The following CUX1 variants were observed in gnomAD, a reference collection of about 807,000 sequenced individuals.
CUX1 encodes the protein cut like homeobox 1, also known as protein CASP.
In CUX1, 31 loss-of-function variants were observed where a neutral mutation model predicts 158.8. That is an observed-to-expected ratio of 0.20 (90% CI 0.15 to 0.26). The LOEUF is 0.26. Ranked by LOEUF, CUX1 falls within the 10% of genes least tolerant of loss-of-function variation. CUX1 has a pLI of 1.00. For missense variants in CUX1, 1,589 were observed against 2,014.6 expected (o/e 0.79, Z 4.04); for synonymous variants, 879 against 862.1 (o/e 1.02, Z -0.34).
intron 13 of CUX1, 59 bp from the exon 14 acceptor site, chr7:102,195,448 G>A: frequency 7.1e-7 from 1 of 1,407,554 alleles, no homozygotes; most frequent in Non-Finnish European, 9.8e-7. Context: ...AGGCCTGGTG[G>A]CCCCGGGAGC....
At chr7:102,045,966 G>T (rs908969357) in intron 3 of CUX1, among the ~76,000 whole-genome samples, 3 of 152,188 alleles carry the variant, frequency 2.0e-5, no homozygotes, top group African/African-American at 7.2e-5. Flanking sequence ...TGGGGTTTCT[G>T]AATCTCCCAG....
At chr7:102,118,197 T>C (rs1349816648) in intron 8 of CUX1, among the ~76,000 whole-genome samples, 2 of 152,254 alleles carry the variant, frequency 1.3e-5, no homozygotes, top group Non-Finnish European at 1.5e-5. Context: ...TTTTCACATA[T>C]GGTCTTACAG....
intron 3 of CUX1, among the ~76,000 whole-genome samples, chr7:102,045,403 C>T (rs771243189): frequency 1.7e-4 from 26 of 152,246 alleles, no homozygotes; most frequent in Admixed American, 8.5e-4. Context: ...GCCGCCCGCC[C>T]GGCGCTGCCG....
intron 4 of CUX1, among the ~76,000 whole-genome samples, chr7:102,089,155 A>C (rs956985688): frequency 6.6e-6 from 1 of 152,156 alleles, no homozygotes; most frequent in East Asian, 1.9e-4. Context: ...TCCATTTCAC[A>C]TACTTTAAGC....
chr7:102,130,121 A>G (rs1833055898), intron 8 of CUX1, among the ~76,000 whole-genome samples: 1 of 152,168 alleles, frequency 6.6e-6, no homozygotes, highest in Admixed American at 6.6e-5. Flanking sequence ...TGCCAGAAAG[A>G]CAGTGGGGTG....
chr7:101,929,272 T>C (rs1173485444), intron 2 of CUX1, among the ~76,000 whole-genome samples: 4 of 152,210 alleles, frequency 2.6e-5, no homozygotes, highest in Non-Finnish European at 5.9e-5. Context: ...CTTGAACAGA[T>C]ACAGTAAAAT....
chr7:101,914,447 C>T (rs938057582), intron 1 of CUX1, among the ~76,000 whole-genome samples: 13 of 143,614 alleles, frequency 9.1e-5, no homozygotes, highest in East Asian at 8.5e-4. Flanking sequence ...TCCCTCCCTC[C>T]GTCCTTCCCT....
At chr7:102,101,898 C>T (rs1021056598) in intron 5 of CUX1, among the ~76,000 whole-genome samples, 14 of 140,570 alleles carry the variant, frequency 1.0e-4, no homozygotes, top group Admixed American at 1.5e-4. Context: ...GGTGACAGAG[C>T]GAGTATCTGT....
intron 1 of CUX1, among the ~76,000 whole-genome samples, chr7:101,860,179 TG>T (rs1332587221): frequency 6.6e-6 from 1 of 152,160 alleles, no homozygotes; most frequent in Non-Finnish European, 1.5e-5. Flanking sequence ...TGTCGCTGTT[TG>T]GTATTTTGAA....
chr7:102,131,694 A>G (rs1160437775), intron 8 of CUX1, among the ~76,000 whole-genome samples: 2 of 148,938 alleles, frequency 1.3e-5, no homozygotes, highest in East Asian at 3.9e-4. Context: ...TTTTTTTGAG[A>G]CAGGGTCTTG....
chr7:101,891,673 AC>A (rs1345018062), intron 1 of CUX1, among the ~76,000 whole-genome samples: 1 of 152,172 alleles, frequency 6.6e-6, no homozygotes. Flanking sequence ...ATAATCAGAA[AC>A]CATCCAGAAT....
chr7:102,022,740 T>C (rs565024157), intron 2 of CUX1, among the ~76,000 whole-genome samples: 1 of 152,386 alleles, frequency 6.6e-6, no homozygotes, highest in African/African-American at 2.4e-5. Context: ...CTATTTTGGC[T>C]TTTGCCAAAA....
intron 22 of CUX1, chr7:102,282,978 AAC>A: frequency 4.9e-6 from 6 of 1,218,166 alleles, no homozygotes; most frequent in South Asian, 1.2e-5. Flanking sequence ...CCCCTTCCCC[AAC>A]ACACACACTC....
rs115773413 is a variant in CUX1, at chr7:101,919,912, G to T, written c.141+3687G>T. 2.0e-5 allele frequency among the ~76,000 whole-genome samples: 3 copies of T among 152,198 alleles called. No homozygotes were observed. The South Asian group carries it at 6.2e-4, about 32-fold the overall frequency. ...GCCACAGGAACATCAGGAGGTGAGC[G>T]CCAGGATGGCTGGAGCCTTGAAGGG... is the stretch of plus-strand genomic sequence containing the variant. On this transcript the variant is annotated intron_variant, in intron 2 of 23. Transcript: ENST00000292535.
chr7:102,107,079 T>G (rs962398929), intron 6 of CUX1, among the ~76,000 whole-genome samples: 1 of 151,566 alleles, frequency 6.6e-6, no homozygotes, highest in African/African-American at 2.4e-5. Context: ...TGAATGAATG[T>G]ATGAATGCGC....
At chr7:101,888,103 G>A (rs1003505161) in intron 1 of CUX1, among the ~76,000 whole-genome samples, 1 of 152,172 alleles carries the variant, frequency 6.6e-6, no homozygotes, top group Non-Finnish European at 1.5e-5. Flanking sequence ...TGAGGCTGAG[G>A]TGGGGGGATC....
intron 7 of CUX1, 139 bp downstream of exon 7, chr7:102,111,913 G>A: frequency 1.5e-6 from 1 of 663,104 alleles, no homozygotes; most frequent in Admixed American, 2.6e-5. Context: ...CCACGCTGAA[G>A]AATTCCGCAG....
intron 3 of CUX1, among the ~76,000 whole-genome samples, chr7:102,030,691 G>GGCTTTTTTTT (rs537970250): frequency 8.4e-6 from 1 of 119,386 alleles, no homozygotes; most frequent in African/African-American, 3.1e-5. Context: ...TTTAAAAAGT[G>GGCTTTTTTTT]TTTTTTTTTT....
intron 20 of CUX1, among the ~76,000 whole-genome samples, chr7:102,207,926 A>G (rs1390883393): frequency 6.6e-6 from 1 of 152,148 alleles, no homozygotes; most frequent in Non-Finnish European, 1.5e-5. Context: ...AGAGGCTCAC[A>G]TCTGTAATCC....
Sources: allele counts gnomAD v4.1 joint callset (sites outside exome capture counted in the v4.1 genomes callset), GRCh38; gene constraint gnomAD v4.1.1; transcripts MANE v1.5; gene names NCBI Gene and HGNC (gene_info 2026-07-23, HGNC 2026-07-21).